Variants in CCM2 observed in about 807,000 individuals in gnomAD.
CCM2 encodes the protein cerebral cavernous malformations 2 protein.
Under a neutral mutation model 44.9 loss-of-function variants are expected in CCM2, and 25 were observed. That is an observed-to-expected ratio of 0.56 (90% CI 0.41 to 0.78). The LOEUF (loss-of-function observed/expected upper bound fraction) is 0.78. Among genes scored for constraint, CCM2 ranks in the 30% least tolerant of loss-of-function variants. CCM2 has a pLI of 0.00. For synonymous variants in CCM2, 219 were observed against 241.1 expected, an observed-to-expected ratio of 0.91 and a Z score of 0.85; for missense variants, 481 against 580.6, an observed-to-expected ratio of 0.83 and a Z score of 1.76.
intron 1 of CCM2, among the ~76,000 whole-genome samples, chr7:45,022,725 A>T (rs1391969519): frequency 6.6e-6 from 1 of 151,966 alleles, no homozygotes; most frequent in East Asian, 1.9e-4. Flanking sequence ...GGTGAATTGT[A>T]TAGTGATGAA....
chr7:45,048,350 T>G (rs1562891341), intron 2 of CCM2, among the ~76,000 whole-genome samples: 1 of 152,216 alleles, frequency 6.6e-6, no homozygotes, highest in Non-Finnish European at 1.5e-5. Context: ...CAGTGTGGTG[T>G]TTATGGGAAG....
Position 45,038,457 on chromosome 7 carries a change from G to A in CCM2, c.204+31G>A, listed in dbSNP as rs751679565. The A allele has an allele frequency of 1.5e-5, 24 of 1,611,106 alleles. No homozygotes were observed. The Middle Eastern group carries it at 5.2e-4, about 35-fold the overall frequency. ...TCGTCATGGGCCACAGGACGTGCCT[G>A]CCAAACGACAGTGACGGTCATGCTT... On this transcript the variant is annotated intron_variant, in intron 2 of 9. Transcript: ENST00000258781.
chr7:45,056,316 A>C (rs181242690), intron 2 of CCM2, among the ~76,000 whole-genome samples: 1 of 152,322 alleles, frequency 6.6e-6, no homozygotes, highest in East Asian at 1.9e-4. Context: ...ACAGGGTTTC[A>C]ATATCTCCAT....
At chr7:45,052,034 T>C (rs1181437467) in intron 2 of CCM2, among the ~76,000 whole-genome samples, 2 of 152,210 alleles carry the variant, frequency 1.3e-5, no homozygotes, top group Non-Finnish European at 2.9e-5. Context: ...TGCCTACTGC[T>C]GTACCTCCTT....
intron 2 of CCM2, among the ~76,000 whole-genome samples, chr7:45,041,266 T>C (rs903012597): frequency 6.6e-6 from 1 of 152,192 alleles, no homozygotes; most frequent in Non-Finnish European, 1.5e-5. Flanking sequence ...TAATAAATCA[T>C]TAAAAATGAA....
chr7:45,044,820 T>TTTCC (rs968821913), intron 2 of CCM2, among the ~76,000 whole-genome samples: 2 of 152,164 alleles, frequency 1.3e-5, no homozygotes, highest in Non-Finnish European at 2.9e-5. Context: ...TGATTCTTAT[T>TTTCC]TTCCTTCCTT....
chr7:45,012,429 C>T (rs1384557347), intron 1 of CCM2, among the ~76,000 whole-genome samples: 1 of 152,106 alleles, frequency 6.6e-6, no homozygotes, highest in Non-Finnish European at 1.5e-5. Flanking sequence ...CCACTGCTCC[C>T]AGCCCATAAT....
chr7:45,000,406 G>A (rs1275390054), intron 1 of CCM2, 43 bp downstream of exon 1: 2 of 1,229,786 alleles, frequency 1.6e-6, no homozygotes, highest in Non-Finnish European at 1.0e-6. Context: ...GTCGGCGGGC[G>A]GCTGGGTTGA....
Position 45,064,595 on chromosome 7 carries a change from G to A in CCM2, c.421G>A (p.Ala141Thr), listed in dbSNP as rs776797774. ...ILRVPIHDIAAVSYVRDDAAH... is the reference protein window; with the variant it reads ...ILRVPIHDIATVSYVRDDAAH... ...CAGGGTGCCCATCCATGACATCGCC[G>A]CCGTCTCCTATGTTCGGGATGACGC... The change falls in exon 4 of 10, where the codon GCC (alanine) becomes ACC (threonine). Residue 141 changes from alanine (A) to threonine (T), a missense_variant. Physicochemically the swap from Ala to Thr is moderately conservative, Grantham distance 58 (BLOSUM62 0). Coordinates refer to ENST00000258781, the MANE Select transcript of CCM2 (RefSeq NM_031443.4). The A allele has an allele frequency of 5.6e-6, 9 of 1,613,856 alleles. No homozygotes were observed. Among genetic ancestry groups the A allele is most frequent in the South Asian group, 2.2e-5 (2 of 91,074 alleles).
chr7:45,005,942 G>A (rs575439462), intron 1 of CCM2, among the ~76,000 whole-genome samples: 1 of 152,210 alleles, frequency 6.6e-6, no homozygotes, highest in Non-Finnish European at 1.5e-5. Context: ...TGCACTTGAA[G>A]CCACTGGAGG....
chr7:45,074,028 AC>A, intron 8 of CCM2: 1 of 778,026 alleles, frequency 1.3e-6, no homozygotes, highest in Non-Finnish European at 2.0e-6. Context: ...CCTCCCATGC[AC>A]TCTGTGTTCC....
intron 1 of CCM2, among the ~76,000 whole-genome samples, chr7:45,003,927 C>T (rs1795745552): frequency 6.6e-6 from 1 of 152,152 alleles, no homozygotes; most frequent in Admixed American, 6.5e-5. Context: ...CGCCTGTAAT[C>T]CCAGCACTTT....
At chr7:45,033,349 A>G (rs1257303710) in intron 1 of CCM2, among the ~76,000 whole-genome samples, 2 of 152,102 alleles carry the variant, frequency 1.3e-5, no homozygotes, top group Non-Finnish European at 2.9e-5. Context: ...TGTAGGTTGC[A>G]TGTGGTTTGT....
chr7:45,060,285 A>G (rs1297471076), intron 2 of CCM2, among the ~76,000 whole-genome samples: 2 of 152,168 alleles, frequency 1.3e-5, no homozygotes, highest in Non-Finnish European at 2.9e-5. Flanking sequence ...ATCCAGTGTC[A>G]TTCTTGTTCT....
intron 2 of CCM2, among the ~76,000 whole-genome samples, chr7:45,055,778 C>T (rs938116734): frequency 3.9e-5 from 6 of 152,202 alleles, no homozygotes; most frequent in Non-Finnish European, 1.5e-5. Context: ...TCAGCACTAT[C>T]CATCTCCAGA....
At position 45,073,972 on chromosome 7, in the gene CCM2, C is replaced by A. The variant is rs1042682821; in HGVS notation, c.916-298C>A. 3 of 555,846 alleles carry A rather than the reference C, an allele frequency of 5.4e-6. No homozygotes were observed. In the African/African-American group the frequency reaches 5.7e-5, roughly 10 times the overall value. The allele number at this position is 555,846 out of a possible 1,614,324, so 34.4% of individuals were successfully genotyped here. A position where few individuals can be genotyped will look rare whatever the true frequency, so the allele number is the denominator to read the frequency against. On this transcript the variant is annotated intron_variant, in intron 8 of 9. Transcript: ENST00000258781. ...GTAGCCTAAGGGCACAGGCATTGGC[C>A]CCGGGCCAGGTTGCCAACTTCCACC...
chr7:45,069,776 G>A (rs764635326), intron 5 of CCM2, 50 bp from the exon 6 acceptor site: 1 of 1,611,960 alleles, frequency 6.2e-7, no homozygotes, highest in Non-Finnish European at 8.5e-7. Flanking sequence ...CGCCTGGGAA[G>A]GCGCAGTCTC....
rs750632206 is a variant in CCM2, at chr7:45,075,915, C to A, written c.1193C>A (p.Ser398Tyr). 31 of 1,613,238 alleles carry A rather than the reference C, an allele frequency of 1.9e-5. No individual in the cohort carries two copies. In the South Asian group the frequency reaches 3.0e-4, roughly 15 times the overall value. Residue 398 changes from serine to tyrosine, a missense_variant, in exon 10 of 10, where the codon TCC (serine) becomes TAC (tyrosine). Physicochemically the swap from Ser to Tyr is moderately radical, Grantham distance 144 (BLOSUM62 -2). Coordinates refer to ENST00000258781, the MANE Select transcript of CCM2 (RefSeq NM_031443.4). ...HRRALSTTSS[S>Y]TTNGNRATGS... ...CGGGCCCTGAGCACCACATCCAGTT[C>A]CACCACCAATGGGAACAGGGCCACG...
At chr7:45,041,666 T>C (rs1030554765) in intron 2 of CCM2, among the ~76,000 whole-genome samples, 3 of 152,196 alleles carry the variant, frequency 2.0e-5, no homozygotes, top group African/African-American at 7.2e-5. Context: ...AGGACTGTGG[T>C]CCTACCTCTG....
Sources: allele counts gnomAD v4.1 joint callset (sites outside exome capture counted in the v4.1 genomes callset), GRCh38; gene constraint gnomAD v4.1.1; transcripts MANE v1.5; gene names NCBI Gene and HGNC (gene_info 2026-07-23, HGNC 2026-07-21).